The following USP20 variants were observed in gnomAD, a reference collection of about 807,000 sequenced individuals.
USP20 encodes the protein ubiquitin carboxyl-terminal hydrolase 20.
In USP20, 80 loss-of-function variants were observed where a neutral mutation model predicts 124.2. That is an observed-to-expected ratio of 0.64 (90% CI 0.54 to 0.78). USP20 has a LOEUF of 0.78. USP20 is among the 30% of genes least tolerant of loss of function. The pLI is 0.00. For synonymous variants in USP20, 481 were observed against 512.3 expected, an observed-to-expected ratio of 0.94 and a Z score of 0.83; for missense variants, 1,043 against 1,244.4, an observed-to-expected ratio of 0.84 and a Z score of 2.44.
At chr9:129,876,944 G>T (rs1399322557) in intron 22 of USP20, among the ~76,000 whole-genome samples, 2 of 152,086 alleles carry the variant, frequency 1.3e-5, no homozygotes, top group African/African-American at 4.8e-5. Flanking sequence ...ATTGCCCAGG[G>T]TCCCCTGGGG....
Position 129,861,565 on chromosome 9 carries a change from C to G in USP20, c.450C>G (p.Leu150=), listed in dbSNP as rs760575747. 1.2e-6 allele frequency: 2 copies of G among 1,614,114 alleles called. No individual in the cohort carries two copies. The highest frequency in any genetic ancestry group is 1.7e-6 in the Non-Finnish European group (2 of 1,180,012). ...CAGGCCTCACGGGCATGAAGAACCT[C>G]GGGAACTCCTGCTACATGAACGCTG... The part of the protein sequence containing the change: ...KPRGLTGMKN[L]GNSCYMNAAL... The change falls in exon 8 of 26, where the codon CTC becomes CTG. Residue 150 remains leucine, a synonymous_variant. Coordinates refer to ENST00000372429, the MANE Select transcript of USP20 (RefSeq NM_001110303.4).
intron 9 of USP20, 106 bp from the exon 10 acceptor site, chr9:129,865,197 G>A: frequency 1.6e-6 from 2 of 1,225,360 alleles, no homozygotes; most frequent in Admixed American, 1.8e-5. Flanking sequence ...CAAATGTCAG[G>A]AAACGCCACA....
At chr9:129,868,735 A>C in intron 11 of USP20, 127 bp from the exon 12 acceptor site, 2 of 1,445,164 alleles carry the variant, frequency 1.4e-6, no homozygotes, top group South Asian at 1.4e-5. Flanking sequence ...GAGTGGGCAC[A>C]TGACAGAGGA....
intron 25 of USP20, 66 bp from the exon 26 acceptor site, chr9:129,880,401 C>T (rs571781934): frequency 4.6e-6 from 6 of 1,298,172 alleles, no homozygotes; most frequent in Non-Finnish European, 6.2e-6. Context: ...AAAGCACCTT[C>T]CTGGAGGATG....
chr9:129,867,521 G>A (rs2033877283), intron 10 of USP20, among the ~76,000 whole-genome samples: 1 of 152,080 alleles, frequency 6.6e-6, no homozygotes, highest in East Asian at 1.9e-4. Context: ...AGGCAGTCTG[G>A]CCTGTGGGTA....
intron 14 of USP20, 198 bp from the exon 15 acceptor site, chr9:129,870,255 G>A: frequency 1.7e-6 from 1 of 602,718 alleles, no homozygotes; most frequent in Non-Finnish European, 3.0e-6. Flanking sequence ...CAGGCTTGCG[G>A]AGAGATGATG....
In USP20 at chr9:129,852,763, T is replaced by C. The variant is rs1379182742; in HGVS notation, c.81+127T>C. ...GTCTCTGCTCAGCTTTCTGTGTAAATGGAAATGCTGGCATCTGCTTGGGAG... is the reference window on the plus strand; with the variant it reads ...GTCTCTGCTCAGCTTTCTGTGTAAACGGAAATGCTGGCATCTGCTTGGGAG... On this transcript the variant is annotated intron_variant, in intron 3 of 25. Coordinates refer to ENST00000372429, the MANE Select transcript of USP20 (RefSeq NM_001110303.4). 4.2e-6 allele frequency: 4 copies of C among 959,696 alleles called. No individual in the cohort carries two copies. The African/African-American group carries it at 4.9e-5, about 12-fold the overall frequency. The allele number at this position is 959,696 out of a possible 1,614,324, so 59.4% of individuals were successfully genotyped here.
chr9:129,877,709 A>T (rs560077738), intron 22 of USP20, among the ~76,000 whole-genome samples: 1 of 151,590 alleles, frequency 6.6e-6, no homozygotes, highest in East Asian at 2.0e-4. Flanking sequence ...CTCGAAAAAG[A>T]AAATGCTCCT....
rs1443025923 is a variant in USP20, at chr9:129,877,722, C to T, written c.2410-616C>T. Among the ~76,000 whole-genome samples the T allele has an allele frequency of 2.6e-5, 4 of 151,902 alleles. No homozygotes were observed. The East Asian group carries it at 7.7e-4, about 29-fold the overall frequency. On this transcript the variant is annotated intron_variant, in intron 22 of 25. Coordinates refer to ENST00000372429, the MANE Select transcript of USP20 (RefSeq NM_001110303.4). ...ATCTCGAAAAAGAAAATGCTCCTGT[C>T]AGAAGGAGAGCTGCCTCTCTGAGCA...
intron 13 of USP20, 42 bp downstream of exon 13, chr9:129,869,467 G>A: frequency 2.5e-6 from 4 of 1,597,566 alleles, no homozygotes; most frequent in Non-Finnish European, 3.4e-6. Context: ...CAGGCTGCCA[G>A]TGGCCTCAGC....
intron 5 of USP20, 95 bp downstream of exon 5, chr9:129,858,207 G>T: frequency 7.4e-7 from 1 of 1,353,942 alleles, no homozygotes. Flanking sequence ...AAATGGCTGG[G>T]GCAATAAATG....
intron 1 of USP20, among the ~76,000 whole-genome samples, chr9:129,842,595 GTTTTTTT>G (rs1256157748): frequency 7.2e-6 from 1 of 139,444 alleles, no homozygotes; most frequent in South Asian, 2.3e-4. Context: ...GTGTGTGGAA[GTTTTTTT>G]TTTTTTTTTT....
chr9:129,869,056 C>A, intron 12 of USP20, 54 bp downstream of exon 12: 1 of 1,535,862 alleles, frequency 6.5e-7, no homozygotes, highest in Non-Finnish European at 8.8e-7. Flanking sequence ...ACAGATTACG[C>A]CCGTAGCTGC....
chr9:129,875,718 A>G (rs2034363402), intron 21 of USP20, 77 bp downstream of exon 21: 2 of 1,460,692 alleles, frequency 1.4e-6, no homozygotes, highest in East Asian at 4.6e-5. Flanking sequence ...AGGGCAGGGA[A>G]GGAATGCCAC....
intron 2 of USP20, 146 bp downstream of exon 2, chr9:129,850,070 G>A (rs1426140622): frequency 1.3e-5 from 2 of 152,006 alleles, no homozygotes; most frequent in Non-Finnish European, 2.9e-5. Flanking sequence ...GATGGAATGT[G>A]ATCGCCTGTG....
At chr9:129,854,868 A>G (rs1440773968) in intron 3 of USP20, among the ~76,000 whole-genome samples, 1 of 152,152 alleles carries the variant, frequency 6.6e-6, no homozygotes, top group Non-Finnish European at 1.5e-5. Context: ...CAGGCTTTTT[A>G]CAAACACAGC....
chr9:129,853,768 A>T (rs538379920), intron 3 of USP20, among the ~76,000 whole-genome samples: 1 of 152,240 alleles, frequency 6.6e-6, no homozygotes, highest in African/African-American at 2.4e-5. Flanking sequence ...TCCACTTCTT[A>T]GGGAATCTGA....
intron 22 of USP20, among the ~76,000 whole-genome samples, chr9:129,877,401 C>T (rs1326719475): frequency 6.6e-6 from 1 of 152,120 alleles, no homozygotes; most frequent in African/African-American, 2.4e-5. Context: ...TACCTGTAGT[C>T]CCCGCTACCT....
At chr9:129,845,716 A>G (rs978294823) in intron 1 of USP20, among the ~76,000 whole-genome samples, 4 of 152,050 alleles carry the variant, frequency 2.6e-5, no homozygotes, top group Non-Finnish European at 4.4e-5. Context: ...GATTAGAATG[A>G]TTATAACACA....
Sources: gnomAD v4.1 joint callset for allele counts (sites outside exome capture counted in the v4.1 genomes callset) on GRCh38, gnomAD v4.1.1 for gene constraint, MANE v1.5 for transcripts, NCBI Gene and HGNC (gene_info 2026-07-23, HGNC 2026-07-21) for gene names.